Variants in RNF167 observed in about 807,000 individuals in gnomAD.
RNF167 encodes E3 ubiquitin-protein ligase RNF167.
Under a neutral mutation model 34.8 loss-of-function variants are expected in RNF167, and 19 were observed. The ratio of observed to expected loss-of-function variants is 0.55; its 90% CI spans 0.38 to 0.80. The LOEUF (loss-of-function observed/expected upper bound fraction) is 0.80, where lower values mean the gene tolerates loss of function less well. Ranked by LOEUF, RNF167 falls within the 30% of genes least tolerant of loss-of-function variation. RNF167 has a pLI of 0.00. For synonymous variants in RNF167, 200 were observed against 170.4 expected (o/e 1.17, Z -1.35); for missense variants, 464 against 447.0 (o/e 1.04, Z -0.34).
intron 8 of RNF167, among the ~76,000 whole-genome samples, chr17:4,943,933 C>T (rs558809271): frequency 7.2e-5 from 11 of 152,142 alleles, no homozygotes; most frequent in African/African-American, 2.4e-4. Flanking sequence ...CGGAGGTTGT[C>T]GGGGGCTGAG....
In RNF167 at chr17:4,945,045, C is replaced by T. The variant is rs779460721; in HGVS notation, c.*29C>T. On this transcript the variant is annotated 3_prime_UTR_variant, in exon 10 of 10. Coordinates refer to ENST00000262482, the MANE Select transcript of RNF167 (RefSeq NM_015528.3). ...CCCCCCACACATACACCTCTGGTGACCTATTTGCACAGACCGTCGTCTTCC... is the reference window on the plus strand; with the variant it reads ...CCCCCCACACATACACCTCTGGTGATCTATTTGCACAGACCGTCGTCTTCC... 6.7e-7 allele frequency: 1 copy of T among 1,495,526 alleles called. No homozygotes were observed. Among genetic ancestry groups the T allele is most frequent in the East Asian group, 2.3e-5 (1 of 43,104 alleles). 92.6% of individuals were successfully genotyped at this position (1,495,526 alleles called of 1,614,324 possible). A position where few individuals can be genotyped will look rare whatever the true frequency, so the allele number is the denominator to read the frequency against.
rs768621552 is a variant in RNF167 at position 4,942,342 on chromosome 17, G to T, written c.167G>T (p.Gly56Val). The change falls in exon 4 of 10, where the codon GGG becomes GTG. Residue 56 changes from glycine (G) to valine (V), a missense_variant and splice_region_variant. Coordinates refer to ENST00000262482, the MANE Select transcript of RNF167 (RefSeq NM_015528.3). Reference sequence around the variant, plus strand: ...CTGTTGTTTGCTTCCATCCTTCAGGGGTTCCTTGTGGAGGCTCACCCAGAC... The same window carrying T: ...CTGTTGTTTGCTTCCATCCTTCAGGTGTTCCTTGTGGAGGCTCACCCAGAC... The part of the protein sequence containing the change: ...GATLSQEGLQ[G>V]FLVEAHPDNA... 1 of 1,613,704 alleles carries T rather than the reference G, an allele frequency of 6.2e-7. No individual in the cohort carries two copies. Among genetic ancestry groups the T allele is most frequent in the South Asian group, 1.1e-5 (1 of 91,074 alleles).
intron 5 of RNF167, 37 bp downstream of exon 5, chr17:4,942,701 T>G (rs1970947416): frequency 1.2e-6 from 2 of 1,607,088 alleles, no homozygotes; most frequent in African/African-American, 2.7e-5. Context: ...GGGCTTTCAG[T>G]AGGACCCAGA....
Position 4,940,806 on chromosome 17 carries a change from G to A in RNF167, c.-104G>A. On this transcript the variant is annotated 5_prime_UTR_variant, in exon 2 of 10. Transcript: ENST00000262482. ...TGGGAAGTGGGACCTGGGGGTGGTT[G>A]GACCCCTGGGATCCTAAAGGAGGGG... 2 of 1,046,608 alleles carry A rather than the reference G, an allele frequency of 1.9e-6. No individual in the cohort carries two copies. Among genetic ancestry groups the A allele is most frequent in the Non-Finnish European group, 2.7e-6 (2 of 741,718 alleles). 64.8% of individuals were successfully genotyped at this position (1,046,608 alleles called of 1,614,324 possible).
Position 4,943,423 on chromosome 17 carries a change from C to T in RNF167, c.577-3C>T, listed in dbSNP as rs1435037323. ...CTTGTCCATCCACCCCCGCTTCCCC[C>T]AGATAGCTCGTTGTATCCAGCACCG... On this transcript the variant is annotated splice_polypyrimidine_tract_variant and splice_region_variant and intron_variant, in intron 7 of 9. Coordinates refer to ENST00000262482, the MANE Select transcript of RNF167 (RefSeq NM_015528.3). 5.6e-6 allele frequency: 9 copies of T among 1,613,372 alleles called. No homozygotes were observed. The highest frequency in any genetic ancestry group is 6.8e-6 in the Non-Finnish European group (8 of 1,179,712).
At position 4,945,150 on chromosome 17, in the gene RNF167, G is replaced by A. The variant is rs1971294208; in HGVS notation, c.*134G>A. On this transcript the variant is annotated 3_prime_UTR_variant, in exon 10 of 10. Coordinates refer to ENST00000262482, the MANE Select transcript of RNF167 (RefSeq NM_015528.3). Reference sequence around the variant, plus strand: ...CACCTATCCTTTTGAGGGGCTTTGGGGTGGAGCTGGGGCAAGCAGAGGGAC... The same window carrying A: ...CACCTATCCTTTTGAGGGGCTTTGGAGTGGAGCTGGGGCAAGCAGAGGGAC... The A allele has an allele frequency of 1.3e-6, 1 of 789,846 alleles. No individual in the cohort carries two copies. Among genetic ancestry groups the A allele is most frequent in the East Asian group, 2.8e-5 (1 of 35,328 alleles). 48.9% of individuals were successfully genotyped at this position (789,846 alleles called of 1,614,324 possible).
At chr17:4,942,699 A>G (rs1391319380) in intron 5 of RNF167, 35 bp downstream of exon 5, 1 of 1,607,882 alleles carries the variant, frequency 6.2e-7, no homozygotes, top group Non-Finnish European at 8.5e-7. Flanking sequence ...CTGGGCTTTC[A>G]GTAGGACCCA....
Position 4,942,660 on chromosome 17 carries a change from T to C in RNF167, c.375T>C (p.Asn125=), listed in dbSNP as rs140084318. 86 of 1,613,972 alleles carry C rather than the reference T, an allele frequency of 5.3e-5. No homozygotes were observed. The highest frequency in any genetic ancestry group is 3.3e-4 in the Middle Eastern group (2 of 6,082). ...ATGAACTTCTGAACATGGTGTGGAATAGTGGTAAGGCTGGGGGAATCTATA... is the reference window on the plus strand; with the variant it reads ...ATGAACTTCTGAACATGGTGTGGAACAGTGGTAAGGCTGGGGGAATCTATA... ...NSNELLNMVW[N]SEEIQQQIWI... The change falls in exon 5 of 10, where the codon AAT becomes AAC. Residue 125 remains asparagine, a synonymous_variant. Transcript: ENST00000262482.
At position 4,944,790 on chromosome 17, in the gene RNF167, A is replaced by G. The variant is rs773501179; in HGVS notation, c.827A>G (p.His276Arg). ...KTCPICKQPV[H>R]RGPGDEDQEE... ...TGCCCCATTTGCAAGCAGCCTGTTC[A>G]TCGGGGTCCTGGGGACGAAGACCAA... The change falls in exon 10 of 10, where the codon CAT (histidine) becomes CGT (arginine). Residue 276 changes from histidine (H) to arginine (R), a missense_variant. Physicochemically the swap from His to Arg is conservative, Grantham distance 29 (BLOSUM62 0). Transcript: ENST00000262482. 5 of 1,612,592 alleles carry G rather than the reference A, an allele frequency of 3.1e-6. No individual in the cohort carries two copies. Among genetic ancestry groups the G allele is most frequent in the Non-Finnish European group, 4.2e-6 (5 of 1,179,164 alleles).
At position 4,945,040 on chromosome 17, in the gene RNF167, G is replaced by A; in HGVS notation, c.*24G>A. The A allele has an allele frequency of 6.6e-7, 1 of 1,512,384 alleles. No individual in the cohort carries two copies. Among genetic ancestry groups the A allele is most frequent in the African/African-American group, 1.4e-5 (1 of 71,590 alleles). 93.7% of individuals were successfully genotyped at this position (1,512,384 alleles called of 1,614,324 possible). Reference sequence around the variant, plus strand: ...AATAACCCCCCACACATACACCTCTGGTGACCTATTTGCACAGACCGTCGT... The same window carrying A: ...AATAACCCCCCACACATACACCTCTAGTGACCTATTTGCACAGACCGTCGT... On this transcript the variant is annotated 3_prime_UTR_variant, in exon 10 of 10. Transcript: ENST00000262482.
Position 4,945,008 on chromosome 17 carries a change from C to G in RNF167, c.1045C>G (p.Leu349Val). 1 of 1,543,666 alleles carries G rather than the reference C, an allele frequency of 6.5e-7. No homozygotes were observed. ...PLSPPSSPVI[L>V]V ...GTCCCCTCCCTCTTCCCCTGTTATC[C>G]TGGTCTAATAACCCCCCACACATAC... The change falls in exon 10 of 10, where the codon CTG becomes GTG. Residue 349 changes from leucine to valine, a missense_variant. Physicochemically the swap from Leu to Val is conservative, Grantham distance 32. Coordinates refer to ENST00000262482, the MANE Select transcript of RNF167 (RefSeq NM_015528.3).
In RNF167 at chr17:4,944,939, C is replaced by G. The variant is rs145504577; in HGVS notation, c.976C>G (p.Pro326Ala). The change falls in exon 10 of 10, where the codon CCA becomes GCA. Residue 326 changes from proline to alanine, a missense_variant. Pro to Ala is a conservative substitution (Grantham distance 27). Transcript: ENST00000262482. ...TCCCACCTCCTTTGGTTCCTTAGCC[C>G]CAGCTCCCCTTGTTTTTCCTGGGCC... Reference protein sequence around the residue: ...TLPTSFGSLAPAPLVFPGPST... With the variant: ...TLPTSFGSLAAAPLVFPGPST... The G allele has an allele frequency of 2.1e-5, 34 of 1,607,616 alleles. No homozygotes were observed. In the African/African-American group the frequency reaches 4.2e-4, roughly 20 times the overall value.
chr17:4,945,119 T>C lies in RNF167; in HGVS notation c.*103T>C, dbSNP rs1971288418. 9.3e-7 allele frequency: 1 copy of C among 1,070,106 alleles called. No individual in the cohort carries two copies. Among genetic ancestry groups the C allele is most frequent in the Non-Finnish European group, 1.3e-6 (1 of 757,274 alleles). The allele number at this position is 1,070,106 out of a possible 1,614,324, so 66.3% of individuals were successfully genotyped here. A position where few individuals can be genotyped will look rare whatever the true frequency, so the allele number is the denominator to read the frequency against. ...GACATTCCATCCCAAGCTTCTCCCT[T>C]ACCCACACCTATCCTTTTGAGGGGC... On this transcript the variant is annotated 3_prime_UTR_variant, in exon 10 of 10. Transcript: ENST00000262482.
chr17:4,941,346 G>A lies in RNF167; in HGVS notation c.165+189G>A, dbSNP rs141762103. ...CTAGTGTAGAACCCAGAATCTAGAG[G>A]GAGAAGACAGAGTGTCCACCCCTGG... On this transcript the variant is annotated intron_variant, in intron 3 of 9. Transcript: ENST00000262482. Among the ~76,000 whole-genome samples, 1,104 of 152,200 alleles carry A rather than the reference G, an allele frequency of 7.3e-3. 7 individuals carry two copies. The highest frequency in any genetic ancestry group is 0.011 in the Non-Finnish European group (773 of 68,000).
chr17:4,944,540 A>G lies in RNF167; in HGVS notation c.671-18A>G, dbSNP rs754984388. The G allele has an allele frequency of 1.3e-6, 2 of 1,560,134 alleles. No homozygotes were observed. The highest frequency in any genetic ancestry group is 1.4e-5 in the African/African-American group (1 of 73,290). On this transcript the variant is annotated intron_variant, in intron 8 of 9. Transcript: ENST00000262482. ...TTGTGGCTCAGTGAAGGACTAGATT[A>G]TTTTCTTTCTGTCCCAGGAGACCAG...
At position 4,940,992 on chromosome 17, in the gene RNF167, C is replaced by G. The variant is rs1289750903; in HGVS notation, c.83C>G (p.Ala28Gly). Reference sequence around the variant, plus strand: ...GCCCCGACCCGGGGGCTCATTCGAGCGGTGAGTCTGAGGGACGGATGGGGA... The same window carrying G: ...GCCCCGACCCGGGGGCTCATTCGAGGGGTGAGTCTGAGGGACGGATGGGGA... ...GAAPTRGLIR[A>G]TSDHNASMDF... is the part of the protein sequence containing the mutation. Residue 28 changes from alanine (A) to glycine (G), a missense_variant and splice_region_variant, in exon 2 of 10, where the codon GCG becomes GGG. By Grantham distance (60) the Ala-to-Gly change is moderately conservative. Transcript: ENST00000262482. 6.2e-7 allele frequency: 1 copy of G among 1,612,322 alleles called. No homozygotes were observed. The highest frequency in any genetic ancestry group is 1.1e-5 in the South Asian group (1 of 90,974).
Position 4,942,619 on chromosome 17 carries a change from C to A in RNF167, c.334C>A (p.His112Asn). The A allele has an allele frequency of 6.2e-7, 1 of 1,614,154 alleles. No homozygotes were observed. Among genetic ancestry groups the A allele is most frequent in the Non-Finnish European group, 8.5e-7 (1 of 1,180,034 alleles). ...QKAGYGAAVV[H>N]NVNSNELLNM... ...GGCTGGATATGGTGCCGCTGTAGTA[C>A]ACAATGTGAATTCCAATGAACTTCT... Residue 112 changes from histidine to asparagine, a missense_variant, in exon 5 of 10, where the codon CAC (histidine) becomes AAC (asparagine). His to Asn is a moderately conservative substitution (Grantham distance 68). Coordinates refer to ENST00000262482, the MANE Select transcript of RNF167 (RefSeq NM_015528.3).
At position 4,941,166 on chromosome 17, in the gene RNF167, C is replaced by T. The variant is rs182848539; in HGVS notation, c.165+9C>T. ...GCCAGGAGGGCCTCCAGGTGATTTT[C>T]TTTCTTTTCTTTTCCTCCTTCCCTC... On this transcript the variant is annotated intron_variant, in intron 3 of 9. Transcript: ENST00000262482. 7.5e-3 allele frequency: 12,156 copies of T among 1,610,346 alleles called. 72 individuals carry two copies. Among genetic ancestry groups the T allele is most frequent in the Middle Eastern group, 0.025 (153 of 6,056 alleles).
rs1187756438 is a variant in RNF167 at position 4,942,357 on chromosome 17, C to T, written c.182C>T (p.Ala61Val). 6 of 1,613,852 alleles carry T rather than the reference C, an allele frequency of 3.7e-6. No homozygotes were observed. The highest frequency in any genetic ancestry group is 5.1e-6 in the Non-Finnish European group (6 of 1,180,018). Residue 61 changes from alanine to valine, a missense_variant, in exon 4 of 10, where the codon GCT (alanine) becomes GTT (valine). By Grantham distance (64) the Ala-to-Val change is moderately conservative. Coordinates refer to ENST00000262482, the MANE Select transcript of RNF167 (RefSeq NM_015528.3). ...QEGLQGFLVE[A>V]HPDNACSPIA... ...ATCCTTCAGGGGTTCCTTGTGGAGG[C>T]TCACCCAGACAATGCCTGCAGCCCC...
Sources: gnomAD v4.1 joint callset for allele counts (sites outside exome capture counted in the v4.1 genomes callset) on GRCh38, gnomAD v4.1.1 for gene constraint, MANE v1.5 for transcripts, NCBI Gene and HGNC (gene_info 2026-07-23, HGNC 2026-07-21) for gene names.